The following MXRA7 variants were observed in gnomAD, a reference collection of about 807,000 sequenced individuals.
MXRA7 encodes the protein matrix-remodeling-associated protein 7.
Under a neutral mutation model 17.4 loss-of-function variants are expected in MXRA7, and 18 were observed. That is an observed-to-expected ratio of 1.03 (90% CI 0.71 to 1.53). The LOEUF (loss-of-function observed/expected upper bound fraction) is 1.53. Among genes scored for constraint, MXRA7 ranks in the 40% most tolerant of loss-of-function variants. The pLI is 0.00. For synonymous variants in MXRA7, 70 were observed against 101.7 expected (o/e 0.69, Z 1.87); for missense variants, 141 against 209.3 (o/e 0.67, Z 2.01).
At chr17:76,693,865 C>T (rs2076504299) in intron 1 of MXRA7, among the ~76,000 whole-genome samples, 1 of 152,268 alleles carries the variant, frequency 6.6e-6, no homozygotes, top group Admixed American at 6.5e-5. Flanking sequence ...AAAACAACAA[C>T]ACAACAAAAA....
At chr17:76,700,275 A>C (rs1315552855) in intron 1 of MXRA7, among the ~76,000 whole-genome samples, 1 of 152,038 alleles carries the variant, frequency 6.6e-6, no homozygotes, top group African/African-American at 2.4e-5. Context: ...CACAGCCAGG[A>C]TCCAGTGTTT....
intron 1 of MXRA7, among the ~76,000 whole-genome samples, chr17:76,695,917 ACC>A (rs553276061): frequency 1.3e-4 from 20 of 151,638 alleles, no homozygotes; most frequent in Middle Eastern, 6.8e-3. Flanking sequence ...ACACGGTGAG[ACC>A]CCCTCTCTAC....
At chr17:76,705,740 G>C (rs1015147294) in intron 1 of MXRA7, among the ~76,000 whole-genome samples, 1 of 152,186 alleles carries the variant, frequency 6.6e-6, no homozygotes, top group Non-Finnish European at 1.5e-5. Context: ...GCCAAAAAGA[G>C]AGCCCTCACC....
intron 1 of MXRA7, 78 bp downstream of exon 1, chr17:76,710,527 C>T (rs903244124): frequency 2.6e-6 from 3 of 1,162,162 alleles, no homozygotes; most frequent in Non-Finnish European, 3.2e-6. Flanking sequence ...CGGCCCCGCT[C>T]CCTGGCTCGG....
At chr17:76,691,852 A>G (rs2076481924) in intron 1 of MXRA7, among the ~76,000 whole-genome samples, 1 of 152,202 alleles carries the variant, frequency 6.6e-6, no homozygotes, top group Non-Finnish European at 1.5e-5. Flanking sequence ...TATTATGTGC[A>G]AAGGACACAA....
intron 1 of MXRA7, among the ~76,000 whole-genome samples, chr17:76,697,278 C>T (rs192768389): frequency 3.2e-4 from 49 of 152,232 alleles, no homozygotes; most frequent in African/African-American, 9.4e-4. Flanking sequence ...GCGGAGAAGG[C>T]GGCCAACTGC....
chr17:76,696,247 C>T (rs62085142), intron 1 of MXRA7, among the ~76,000 whole-genome samples: 43,205 of 151,958 alleles, frequency 0.28, 7,308 homozygotes, highest in Non-Finnish European at 0.38. Flanking sequence ...AGGCTGGGCG[C>T]GGTGGCTCAC....
At chr17:76,706,411 CCCACACTGCCATCACAAAGGA>C (rs1567991099) in intron 1 of MXRA7, among the ~76,000 whole-genome samples, 11 of 137,216 alleles carry the variant, frequency 8.0e-5, no homozygotes, top group African/African-American at 2.2e-4. Context: ...GTCACAGAGG[CCCACACTGCCATCACAAAGGA>C]CCACACTGCC....
intron 1 of MXRA7, among the ~76,000 whole-genome samples, chr17:76,699,545 T>C (rs1353855044): frequency 6.6e-6 from 1 of 152,200 alleles, no homozygotes; most frequent in Admixed American, 6.5e-5. Context: ...TTGTTCAATT[T>C]CAATAATCTC....
chr17:76,692,603 G>A (rs2076489257), intron 1 of MXRA7, among the ~76,000 whole-genome samples: 1 of 148,696 alleles, frequency 6.7e-6, no homozygotes, highest in South Asian at 2.1e-4. Flanking sequence ...GATGGGTCAG[G>A]AAAGCAAATG....
intron 1 of MXRA7, among the ~76,000 whole-genome samples, chr17:76,698,714 T>G (rs1416354658): frequency 4.3e-4 from 1 of 2,348 alleles, no homozygotes; most frequent in African/African-American, 7.0e-4. Context: ...TCCTTTCTGT[T>G]TTTTTTTTTT....
At chr17:76,710,045 GC>G (rs1321418175) in intron 1 of MXRA7, 1 of 152,330 alleles carries the variant, frequency 6.6e-6, no homozygotes. Context: ...GGGATCGGGT[GC>G]CTTTTCTTTC....
At chr17:76,708,860 G>A (rs1404128546) in intron 1 of MXRA7, among the ~76,000 whole-genome samples, 2 of 152,124 alleles carry the variant, frequency 1.3e-5, no homozygotes, top group Non-Finnish European at 2.9e-5. Context: ...CTTAGCGGGA[G>A]GACAGACACA....
exon 4 of MXRA7, chr17:76,674,518 G>A (rs529203290): frequency 6.6e-6 from 1 of 152,362 alleles, no homozygotes; most frequent in African/African-American, 2.4e-5. Flanking sequence ...CCACCACCGA[G>A]GAAGAGGAGG....
chr17:76,676,020 C>G (rs2076238338), downstream of MXRA7: 1 of 152,168 alleles, frequency 6.6e-6, no homozygotes, highest in Admixed American at 6.5e-5. Context: ...TCAGTTTGCT[C>G]AAGAACTGTG....
chr17:76,706,248 T>G lies in MXRA7; in HGVS notation c.342+4357A>C, dbSNP rs374680675. Among the ~76,000 whole-genome samples, 515 of 61,522 alleles carry G rather than the reference T, an allele frequency of 8.4e-3. 16 individuals carry two copies. The highest frequency in any genetic ancestry group is 9.4e-3 in the Non-Finnish European group (273 of 29,164). 40.4% of individuals were successfully genotyped at this position (61,522 alleles called of 152,430 possible). A position where few individuals can be genotyped will look rare whatever the true frequency, so the allele number is the denominator to read the frequency against. ...CCACTCTGCCGTCACAGAGGCCCAC[T>G]CTGCCATCACAGAGGCCCACGCTGC... is the stretch of plus-strand genomic sequence containing the variant. On this transcript the variant is annotated intron_variant, in intron 1 of 3. Coordinates refer to ENST00000449428, the MANE Select transcript of MXRA7 (RefSeq NM_198530.4).
At chr17:76,706,696 G>T in intron 1 of MXRA7, among the ~76,000 whole-genome samples, 1 of 146,906 alleles carries the variant, frequency 6.8e-6, no homozygotes, top group East Asian at 1.9e-4. Context: ...AAGACAGACA[G>T]ATGAAGGCTG....
chr17:76,677,447 C>T (rs911446994), downstream of MXRA7: 8 of 611,250 alleles, frequency 1.3e-5, no homozygotes, highest in African/African-American at 5.5e-5. Flanking sequence ...TGCAAGAACT[C>T]GGCAAGTACC....
At chr17:76,688,010 C>T in intron 2 of MXRA7, 103 bp downstream of exon 2, 3 of 659,052 alleles carry the variant, frequency 4.6e-6, no homozygotes, top group African/African-American at 1.8e-5. Flanking sequence ...CCCACCCCAT[C>T]CCTCCCCTCG....
Sources: allele counts gnomAD v4.1 joint callset (sites outside exome capture counted in the v4.1 genomes callset), GRCh38; gene constraint gnomAD v4.1.1; transcripts MANE v1.5; gene names NCBI Gene and HGNC (gene_info 2026-07-23, HGNC 2026-07-21).